The following SMIM36 variants were observed in gnomAD, a reference collection of about 807,000 sequenced individuals.
SMIM36 encodes the protein small integral membrane protein 36.
At chr17:55,477,340 T>C (rs922524422) in intron 3 of SMIM36, among the ~76,000 whole-genome samples, 25 of 152,222 alleles carry the variant, frequency 1.6e-4, no homozygotes, top group African/African-American at 5.3e-4. Context: ...CTTCTCTGGC[T>C]TCCAGTGTTT....
intron 1 of SMIM36, among the ~76,000 whole-genome samples, chr17:55,482,037 T>C (rs556144524): frequency 5.9e-5 from 9 of 152,258 alleles, no homozygotes; most frequent in African/African-American, 2.2e-4. Context: ...TATGAAGTGG[T>C]ATAGGACAAT....
At chr17:55,456,206 A>G (rs933381516) in intron 4 of SMIM36, among the ~76,000 whole-genome samples, 1 of 150,636 alleles carries the variant, frequency 6.6e-6, no homozygotes, top group Admixed American at 6.6e-5. Context: ...TGTTCCTCCC[A>G]AGCAAAGGGA....
chr17:55,511,665 G>A (rs956026796), upstream of SMIM36, among the ~76,000 whole-genome samples: 1 of 152,124 alleles, frequency 6.6e-6, no homozygotes, highest in African/African-American at 2.4e-5. Context: ...ATCCACACAG[G>A]CAGTTTGGTG....
chr17:55,454,615 T>C (rs1260728831), intron 4 of SMIM36, among the ~76,000 whole-genome samples: 1 of 152,194 alleles, frequency 6.6e-6, no homozygotes, highest in Non-Finnish European at 1.5e-5. Flanking sequence ...TTACACGCCT[T>C]TTACATTAAT....
At chr17:55,516,963 C>A in the SMIM36 span, among the ~76,000 whole-genome samples, 1 of 152,146 alleles carries the variant, frequency 6.6e-6, no homozygotes, top group Non-Finnish European at 1.5e-5. Context: ...CCCCAACACT[C>A]CCTATACCAT....
At chr17:55,501,515 T>C (rs1909979214) in intron 1 of SMIM36, among the ~76,000 whole-genome samples, 1 of 112,714 alleles carries the variant, frequency 8.9e-6, no homozygotes, top group Non-Finnish European at 1.7e-5. Context: ...TTATTATGTA[T>C]TATATAATAT....
chr17:55,493,128 C>T (rs1909741930), intron 1 of SMIM36, among the ~76,000 whole-genome samples: 1 of 152,200 alleles, frequency 6.6e-6, no homozygotes, highest in Non-Finnish European at 1.5e-5. Context: ...AATGCTGTAG[C>T]CACGGGCAGT....
chr17:55,509,355 T>C (rs1910141640), intron 1 of SMIM36, among the ~76,000 whole-genome samples: 1 of 152,224 alleles, frequency 6.6e-6, no homozygotes, highest in Non-Finnish European at 1.5e-5. Context: ...CCATCTCCTG[T>C]CCTACCCTTC....
At chr17:55,490,063 G>A (rs1234150915) in intron 1 of SMIM36, among the ~76,000 whole-genome samples, 1 of 151,476 alleles carries the variant, frequency 6.6e-6, no homozygotes, top group Non-Finnish European at 1.5e-5. Flanking sequence ...CACCATGTTA[G>A]CCAGGATGGG....
chr17:55,511,274 A>G (rs890627659), exon 1 of SMIM36: 17 of 398,560 alleles, frequency 4.3e-5, no homozygotes, highest in Middle Eastern at 6.2e-4. Context: ...AAGATGACGT[A>G]GCTCGCAACT....
At chr17:55,501,045 TA>T (rs1431191186) in intron 1 of SMIM36, among the ~76,000 whole-genome samples, 7 of 40,704 alleles carry the variant, frequency 1.7e-4, no homozygotes, top group South Asian at 8.4e-4. Flanking sequence ...TATTATATAT[TA>T]TAATATATAA....
At chr17:55,470,447 T>C (rs1364892101) in intron 3 of SMIM36, among the ~76,000 whole-genome samples, 3 of 152,146 alleles carry the variant, frequency 2.0e-5, no homozygotes, top group South Asian at 4.1e-4. Context: ...TACCTTCTTT[T>C]CAAGGGCCTG....
At chr17:55,501,007 T>TAA (rs1567870711) in intron 1 of SMIM36, among the ~76,000 whole-genome samples, 2 of 9,614 alleles carry the variant, frequency 2.1e-4, no homozygotes, top group Admixed American at 2.0e-3. Flanking sequence ...ATGTAACATA[T>TAA]TATTATATTT....
chr17:55,477,815 C>A (rs1051266644), intron 3 of SMIM36, among the ~76,000 whole-genome samples: 2 of 150,304 alleles, frequency 1.3e-5, no homozygotes, highest in Admixed American at 1.3e-4. Flanking sequence ...AAGGGCCTGG[C>A]AAGTGAAGAA....
At chr17:55,525,662 T>C in the SMIM36 span, among the ~76,000 whole-genome samples, 32 of 152,292 alleles carry the variant, frequency 2.1e-4, no homozygotes, top group African/African-American at 6.5e-4. Flanking sequence ...GATAGACATT[T>C]ATTGATTTTT....
At chr17:55,516,869 AT>A in the SMIM36 span, among the ~76,000 whole-genome samples, 2 of 152,012 alleles carry the variant, frequency 1.3e-5, no homozygotes, top group Non-Finnish European at 2.9e-5. Flanking sequence ...CAGCCTTCCT[AT>A]TCTTGAGGAA....
upstream of SMIM36, among the ~76,000 whole-genome samples, chr17:55,512,356 A>C (rs1172025881): frequency 2.0e-5 from 3 of 152,216 alleles, no homozygotes; most frequent in Non-Finnish European, 2.9e-5. Flanking sequence ...AGGCACAGGC[A>C]CTTGTGGGCC....
chr17:55,464,436 G>A (rs1178945423), intron 4 of SMIM36, among the ~76,000 whole-genome samples: 1 of 151,962 alleles, frequency 6.6e-6, no homozygotes, highest in African/African-American at 2.4e-5. Context: ...CTTGTAGGAT[G>A]TTCAGATCTG....
At chr17:55,515,008 G>C (rs1404960930), upstream of SMIM36, among the ~76,000 whole-genome samples, 1 of 150,126 alleles carries the variant, frequency 6.7e-6, no homozygotes, top group Non-Finnish European at 1.5e-5. Flanking sequence ...GCACAGGGAC[G>C]TGACTTTCTC....
Sources: allele counts gnomAD v4.1 joint callset (sites outside exome capture counted in the v4.1 genomes callset), GRCh38; gene constraint gnomAD v4.1.1; transcripts MANE v1.5; gene names NCBI Gene and HGNC (gene_info 2026-07-23, HGNC 2026-07-21).